Variants in GNAI2 observed in about 807,000 individuals in gnomAD.
GNAI2 encodes the protein guanine nucleotide-binding protein G(i) subunit alpha-2.
In GNAI2, 4 loss-of-function variants were observed where a neutral mutation model predicts 36.8. That is an observed-to-expected ratio of 0.11 (90% CI 0.05 to 0.25). The LOEUF is 0.25. GNAI2 is among the 10% of genes least tolerant of loss of function. The pLI is 1.00. For synonymous variants in GNAI2, 194 were observed against 194.1 expected, an observed-to-expected ratio of 1.00 and a Z score of 0.01; for missense variants, 230 against 481.3, an observed-to-expected ratio of 0.48 and a Z score of 4.89.
rs1402136053 is a variant in GNAI2 at position 50,259,206 on chromosome 3, A to G, written c.*863A>G. 1 of 226,736 alleles carries G rather than the reference A, an allele frequency of 4.4e-6. No homozygotes were observed. The allele number at this position is 226,736 out of a possible 1,614,324, so 14.0% of individuals were successfully genotyped here. On this transcript the variant is annotated 3_prime_UTR_variant, in exon 9 of 9. Coordinates refer to ENST00000313601, the MANE Select transcript of GNAI2 (RefSeq NM_002070.4). ...TGTAGCTCCCTAGCGCTAACCTAGG[A>G]ACCGCCGCTGCCTGCTGGGGGGCCA...
rs1700789487 is a variant in GNAI2, at chr3:50,259,089, G to C, written c.*746G>C. ...CGGCACCCCTGCCCTGCCCTCCACA[G>C]AATTGGGTTCCAAGGGCTGTTCCAG... On this transcript the variant is annotated 3_prime_UTR_variant, in exon 9 of 9. Transcript: ENST00000313601. 2.7e-6 allele frequency: 1 copy of C among 375,404 alleles called. No individual in the cohort carries two copies. Among genetic ancestry groups the C allele is most frequent in the Non-Finnish European group, 5.2e-6 (1 of 193,086 alleles). 23.3% of individuals were successfully genotyped at this position (375,404 alleles called of 1,614,324 possible). A position where few individuals can be genotyped will look rare whatever the true frequency, so the allele number is the denominator to read the frequency against.
chr3:50,251,642 T>A, intron 1 of GNAI2: 1 of 1,326,146 alleles, frequency 7.5e-7, no homozygotes, highest in Non-Finnish European at 9.9e-7. Context: ...TAAGGCTCAG[T>A]GTGGGGAGAA....
At chr3:50,233,626 A>G (rs1056862320), upstream of GNAI2, among the ~76,000 whole-genome samples, 1 of 152,216 alleles carries the variant, frequency 6.6e-6, no homozygotes, top group Non-Finnish European at 1.5e-5. Context: ...GGGTGTCTAC[A>G]GCATATCTGT....
upstream of GNAI2, chr3:50,235,988 C>G (rs1700156240): frequency 5.9e-6 from 1 of 168,872 alleles, no homozygotes; most frequent in South Asian, 2.0e-4. Flanking sequence ...ACCCCTATTG[C>G]CTTTTCTCCG....
chr3:50,243,479 G>T lies in GNAI2; in HGVS notation c.118+7026G>T, dbSNP rs587663773. Among the ~76,000 whole-genome samples, 4 of 152,328 alleles carry T rather than the reference G, an allele frequency of 2.6e-5. No homozygotes were observed. In the South Asian group the frequency reaches 8.3e-4, roughly 32 times the overall value. ...GAGCTCACTCTGGGTTTCCCCTGCT[G>T]GGGGGCGGACAAAGGATCCCTGGCC... On this transcript the variant is annotated intron_variant, in intron 1 of 8. Coordinates refer to ENST00000313601, the MANE Select transcript of GNAI2 (RefSeq NM_002070.4).
chr3:50,227,230 C>A (rs1330584233), upstream of GNAI2: 3 of 1,289,084 alleles, frequency 2.3e-6, no homozygotes, highest in Non-Finnish European at 3.0e-6. The surrounding 1 kb of genome is among the most constrained non-coding windows in gnomAD (Gnocchi z 5.9). Context: ...GAGACCCTGG[C>A]GAGGTGGGGC....
chr3:50,256,379 A>C, intron 5 of GNAI2, 59 bp downstream of exon 5: 1 of 1,536,912 alleles, frequency 6.5e-7, no homozygotes, highest in Middle Eastern at 1.7e-4. Flanking sequence ...GGGGTAGCAG[A>C]GGCAGGGGCT....
chr3:50,239,175 G>C (rs116402488), intron 1 of GNAI2, among the ~76,000 whole-genome samples: 2 of 152,180 alleles, frequency 1.3e-5, no homozygotes, highest in African/African-American at 2.4e-5. Context: ...GTGTATGTGA[G>C]GGGGGAGAGT....
In GNAI2 at chr3:50,252,888, A is replaced by G; in HGVS notation, c.304-136A>G. 1.4e-6 allele frequency: 1 copy of G among 711,024 alleles called. No homozygotes were observed. Among genetic ancestry groups the G allele is most frequent in the Non-Finnish European group, 2.3e-6 (1 of 427,698 alleles). The allele number at this position is 711,024 out of a possible 1,614,324, so 44.0% of individuals were successfully genotyped here. On this transcript the variant is annotated intron_variant, in intron 3 of 8. Coordinates refer to ENST00000313601, the MANE Select transcript of GNAI2 (RefSeq NM_002070.4). The surrounding 1 kb of genome is among the most constrained non-coding windows in gnomAD (Gnocchi z 4.1). ...CAGAAAAAAGTAAACAACAACAACA[A>G]AAAGGTTTTAGGGCAAGTCTCATCC...
In GNAI2 at chr3:50,252,635, G is replaced by T; in HGVS notation, c.303+97G>T. 9.6e-7 allele frequency: 1 copy of T among 1,046,082 alleles called. No homozygotes were observed. Among genetic ancestry groups the T allele is most frequent in the South Asian group, 1.4e-5 (1 of 69,740 alleles). The allele number at this position is 1,046,082 out of a possible 1,614,324, so 64.8% of individuals were successfully genotyped here. A position where few individuals can be genotyped will look rare whatever the true frequency, so the allele number is the denominator to read the frequency against. ...CCTATAAATCCCAGCACTTTGGGACGCCGAGGCGGGTGGATCACCTGAGGT... is the reference window on the plus strand; with the variant it reads ...CCTATAAATCCCAGCACTTTGGGACTCCGAGGCGGGTGGATCACCTGAGGT... On this transcript the variant is annotated intron_variant, in intron 3 of 8. Coordinates refer to ENST00000313601, the MANE Select transcript of GNAI2 (RefSeq NM_002070.4). This position sits in a 1 kb window ranked among gnomAD's most constrained non-coding sequence, Gnocchi z 4.1.
At chr3:50,245,532 G>C (rs1269098244) in intron 1 of GNAI2, among the ~76,000 whole-genome samples, 1 of 152,228 alleles carries the variant, frequency 6.6e-6, no homozygotes, top group African/African-American at 2.4e-5. Flanking sequence ...AGGTGCCTTG[G>C]GAACAGCGGA....
Position 50,246,865 on chromosome 3 carries a change from C to G in GNAI2, c.119-5235C>G. Reference sequence around the variant, plus strand: ...GCCGGGTTATACTGAAGGGAAGTGACGACACAGCGGAAAGCCAACAGAGGA... The same window carrying G: ...GCCGGGTTATACTGAAGGGAAGTGAGGACACAGCGGAAAGCCAACAGAGGA... On this transcript the variant is annotated intron_variant, in intron 1 of 8. Transcript: ENST00000313601. The G allele has an allele frequency of 3.5e-6, 5 of 1,422,792 alleles. No individual in the cohort carries two copies. In the South Asian group the frequency reaches 6.0e-5, roughly 17 times the overall value. 88.1% of individuals were successfully genotyped at this position (1,422,792 alleles called of 1,614,324 possible). A position where few individuals can be genotyped will look rare whatever the true frequency, so the allele number is the denominator to read the frequency against.
intron 1 of GNAI2, among the ~76,000 whole-genome samples, chr3:50,247,786 G>T (rs587693451): frequency 6.6e-6 from 1 of 152,248 alleles, no homozygotes; most frequent in African/African-American, 2.4e-5. Context: ...GTGTGACTCA[G>T]TGGGAATGCC....
At chr3:50,249,897 A>G (rs1220775631) in intron 1 of GNAI2, among the ~76,000 whole-genome samples, 3 of 152,206 alleles carry the variant, frequency 2.0e-5, no homozygotes, top group Non-Finnish European at 4.4e-5. Flanking sequence ...GCCTGCCACC[A>G]TGTCCCAATG....
upstream of GNAI2, among the ~76,000 whole-genome samples, chr3:50,232,658 C>A (rs587631295): frequency 6.6e-6 from 1 of 152,182 alleles, no homozygotes; most frequent in Non-Finnish European, 1.5e-5. Context: ...CATTGGGGAA[C>A]CACAGAAAGT....
chr3:50,252,634 C>A lies in GNAI2; in HGVS notation c.303+96C>A, dbSNP rs1189290205. 1 of 1,066,762 alleles carries A rather than the reference C, an allele frequency of 9.4e-7. No individual in the cohort carries two copies. The highest frequency in any genetic ancestry group is 1.4e-6 in the Non-Finnish European group (1 of 728,076). 66.1% of individuals were successfully genotyped at this position (1,066,762 alleles called of 1,614,324 possible). A position where few individuals can be genotyped will look rare whatever the true frequency, so the allele number is the denominator to read the frequency against. ...GCCTATAAATCCCAGCACTTTGGGA[C>A]GCCGAGGCGGGTGGATCACCTGAGG... On this transcript the variant is annotated intron_variant, in intron 3 of 8. Coordinates refer to ENST00000313601, the MANE Select transcript of GNAI2 (RefSeq NM_002070.4). The surrounding 1 kb of genome is among the most constrained non-coding windows in gnomAD (Gnocchi z 4.1).
chr3:50,236,521 C>T lies in GNAI2; in HGVS notation c.118+68C>T. On this transcript the variant is annotated intron_variant, in intron 1 of 8. Transcript: ENST00000313601. The surrounding 1 kb of genome is among the most constrained non-coding windows in gnomAD (Gnocchi z 4.0). ...AATCCCCAGACAAGGACTTTGACCT[C>T]CCAGACTAGGGCTTCAAACTCCCAG... 6.5e-6 allele frequency: 10 copies of T among 1,527,904 alleles called. No individual in the cohort carries two copies. The highest frequency in any genetic ancestry group is 8.7e-6 in the Non-Finnish European group (10 of 1,145,274). 94.6% of individuals were successfully genotyped at this position (1,527,904 alleles called of 1,614,324 possible). A position where few individuals can be genotyped will look rare whatever the true frequency, so the allele number is the denominator to read the frequency against.
intron 8 of GNAI2, 112 bp downstream of exon 8, chr3:50,257,826 T>C (rs1422215727): frequency 7.0e-6 from 4 of 568,612 alleles, no homozygotes; most frequent in Non-Finnish European, 1.2e-5. Flanking sequence ...GGAGGGGCAA[T>C]AGGTGACCAG....
chr3:50,236,116 C>G, upstream of GNAI2: 1 of 1,030,492 alleles, frequency 9.7e-7, no homozygotes, highest in Non-Finnish European at 1.2e-6. This position sits in a 1 kb window ranked among gnomAD's most constrained non-coding sequence, Gnocchi z 4.0. Flanking sequence ...CAAGCCCGCC[C>G]CGGCCCAGTC....
Sources: gnomAD v4.1 joint callset for allele counts (sites outside exome capture counted in the v4.1 genomes callset) on GRCh38, gnomAD v4.1.1 for gene constraint, Gnocchi (gnomAD v3.1) non-coding constraint, MANE v1.5 for transcripts, NCBI Gene and HGNC (gene_info 2026-07-23, HGNC 2026-07-21) for gene names.